Variants in SNX24 observed in about 807,000 individuals in gnomAD.
SNX24 encodes sorting nexin 24, also known as sorting nexin-24.
SNX24 carries 22 observed loss-of-function variants against 28.7 expected under a neutral mutation model. The observed-to-expected ratio is 0.77, with a 90% CI of 0.55 to 1.10. The LOEUF (loss-of-function observed/expected upper bound fraction) is 1.10, where lower values mean the gene tolerates loss of function less well. SNX24 is among the 50% of genes least tolerant of loss of function. The pLI is 0.00. For synonymous variants in SNX24, 69 were observed against 71.5 expected, an observed-to-expected ratio of 0.96 and a Z score of 0.18; for missense variants, 221 against 201.1, an observed-to-expected ratio of 1.10 and a Z score of -0.60.
intron 5 of SNX24, among the ~76,000 whole-genome samples, chr5:123,026,936 T>C (rs1376636415): frequency 1.3e-5 from 2 of 152,164 alleles, no homozygotes; most frequent in Non-Finnish European, 1.5e-5. Flanking sequence ...GGCTCACACC[T>C]GTAATCCCAG....
chr5:122,998,925 C>T (rs1184281625), intron 3 of SNX24, among the ~76,000 whole-genome samples: 1 of 152,024 alleles, frequency 6.6e-6, no homozygotes, highest in Non-Finnish European at 1.5e-5. Context: ...GTTCTTTAAA[C>T]AACATGTACT....
At chr5:122,982,585 G>A (rs1165670897) in intron 3 of SNX24, among the ~76,000 whole-genome samples, 2 of 152,192 alleles carry the variant, frequency 1.3e-5, no homozygotes, top group African/African-American at 2.4e-5. Context: ...TGTGGCAGCT[G>A]CCCAGCACAG....
chr5:122,958,249 CA>C (rs61574477), intron 3 of SNX24, among the ~76,000 whole-genome samples: 115,178 of 150,454 alleles, frequency 0.77, 44,836 homozygotes, highest in East Asian at 0.99. Flanking sequence ...TTGAATTTTG[CA>C]AAAAAAAAAT....
chr5:122,995,452 A>G (rs182215516), intron 3 of SNX24, among the ~76,000 whole-genome samples: 23 of 152,192 alleles, frequency 1.5e-4, no homozygotes, highest in African/African-American at 5.5e-4. Flanking sequence ...TCCTAGGTTT[A>G]TTCTTATTTC....
intron 1 of SNX24, among the ~76,000 whole-genome samples, chr5:122,885,285 C>T (rs1196260052): frequency 6.6e-6 from 1 of 152,024 alleles, no homozygotes; most frequent in Non-Finnish European, 1.5e-5. Flanking sequence ...TCTCTGTGTT[C>T]CCTCTAGAGC....
chr5:123,005,860 T>C (rs931845643), intron 6 of SNX24, among the ~76,000 whole-genome samples: 1 of 152,198 alleles, frequency 6.6e-6, no homozygotes, highest in African/African-American at 2.4e-5. Context: ...TTCAAAGATA[T>C]ATTTCATGAA....
chr5:123,007,922 A>C lies in SNX24; in HGVS notation c.*173A>C. The C allele has an allele frequency of 1.4e-6, 2 of 1,413,432 alleles. No individual in the cohort carries two copies. The highest frequency in any genetic ancestry group is 1.9e-6 in the Non-Finnish European group (2 of 1,080,578). 87.6% of individuals were successfully genotyped at this position (1,413,432 alleles called of 1,614,324 possible). On this transcript the variant is annotated 3_prime_UTR_variant, in exon 7 of 7. Transcript: ENST00000261369. ...ACATTTCCATTAGAATGGTGCTCTT[A>C]AAAATAGAAACTGAACCGGGGCGGT...
At chr5:122,933,551 C>T (rs1401256895) in intron 1 of SNX24, among the ~76,000 whole-genome samples, 1 of 152,198 alleles carries the variant, frequency 6.6e-6, no homozygotes, top group East Asian at 1.9e-4. Context: ...GGCCTTGTTT[C>T]CTGTCTCTCA....
At chr5:122,922,367 C>T (rs1417076098) in intron 1 of SNX24, among the ~76,000 whole-genome samples, 2 of 152,112 alleles carry the variant, frequency 1.3e-5, no homozygotes, top group Non-Finnish European at 2.9e-5. Flanking sequence ...ATTCTCCTGC[C>T]TCAGCCTCCT....
intron 1 of SNX24, among the ~76,000 whole-genome samples, chr5:122,866,057 A>G (rs918442737): frequency 2.0e-5 from 3 of 152,242 alleles, no homozygotes; most frequent in East Asian, 1.9e-4. Context: ...CTGTATATAC[A>G]TACATATTTT....
chr5:122,906,493 G>T (rs1246289562), intron 1 of SNX24, among the ~76,000 whole-genome samples: 1 of 152,074 alleles, frequency 6.6e-6, no homozygotes, highest in East Asian at 1.9e-4. Context: ...AGTTCTTTAG[G>T]GTTTATGTAC....
rs1295210250 is a variant in SNX24, at chr5:123,008,408, T to A, written c.*659T>A. 1 of 544,636 alleles carries A rather than the reference T, an allele frequency of 1.8e-6. No homozygotes were observed. The highest frequency in any genetic ancestry group is 1.5e-4 in the East Asian group (1 of 6,854). 33.7% of individuals were successfully genotyped at this position (544,636 alleles called of 1,614,324 possible). A position where few individuals can be genotyped will look rare whatever the true frequency, so the allele number is the denominator to read the frequency against. Reference sequence around the variant, plus strand: ...ACATAGGTAAAATGGGCTATTAGGATGATCCTTGAAAGCCCTTTAGAAGGG... The same window carrying A: ...ACATAGGTAAAATGGGCTATTAGGAAGATCCTTGAAAGCCCTTTAGAAGGG... On this transcript the variant is annotated 3_prime_UTR_variant, in exon 7 of 7. Transcript: ENST00000261369.
intron 5 of SNX24, among the ~76,000 whole-genome samples, chr5:123,020,071 G>A (rs925274807): frequency 6.6e-6 from 1 of 152,168 alleles, no homozygotes; most frequent in Admixed American, 6.5e-5. Flanking sequence ...TATGCTCACA[G>A]TAGTGAAAAA....
chr5:122,881,384 G>T (rs1756474318), intron 1 of SNX24, among the ~76,000 whole-genome samples: 2 of 152,114 alleles, frequency 1.3e-5, no homozygotes, highest in Non-Finnish European at 1.5e-5. Context: ...TGGTTTATTT[G>T]GTCCCTTACT....
intron 3 of SNX24, among the ~76,000 whole-genome samples, chr5:122,995,634 C>A (rs750906587): frequency 6.6e-6 from 1 of 152,212 alleles, no homozygotes; most frequent in Non-Finnish European, 1.5e-5. Flanking sequence ...GTAATTAATT[C>A]TGCCTCTCAC....
intron 3 of SNX24, among the ~76,000 whole-genome samples, chr5:122,973,184 A>T (rs1813477): frequency 6.6e-6 from 1 of 152,016 alleles, no homozygotes; most frequent in Non-Finnish European, 1.5e-5. Context: ...TCTTCCCCAG[A>T]TTTCTTTGTC....
chr5:122,923,489 T>C (rs940473155), intron 1 of SNX24, among the ~76,000 whole-genome samples: 2 of 152,342 alleles, frequency 1.3e-5, no homozygotes, highest in African/African-American at 2.4e-5. Context: ...CATCTGTTCA[T>C]AGAACAGAAA....
chr5:122,958,226 T>C (rs183895940), intron 3 of SNX24, among the ~76,000 whole-genome samples: 36 of 148,776 alleles, frequency 2.4e-4, no homozygotes, highest in African/African-American at 8.5e-4. Flanking sequence ...AATTTTTTTG[T>C]CATGAAAGGG....
intron 4 of SNX24, among the ~76,000 whole-genome samples, chr5:123,000,287 G>A (rs1490306337): frequency 6.6e-6 from 1 of 152,202 alleles, no homozygotes; most frequent in East Asian, 1.9e-4. Context: ...GTTACTTGAT[G>A]GGAATTATGA....
Sources: gnomAD v4.1 joint callset for allele counts (sites outside exome capture counted in the v4.1 genomes callset) on GRCh38, gnomAD v4.1.1 for gene constraint, MANE v1.5 for transcripts, NCBI Gene and HGNC (gene_info 2026-07-23, HGNC 2026-07-21) for gene names.